The following TNS3 variants were observed in gnomAD, a reference collection of about 807,000 sequenced individuals.
TNS3 encodes tensin 3.
TNS3 carries 45 observed loss-of-function variants against 140.9 expected under a neutral mutation model. The ratio of observed to expected loss-of-function variants is 0.32; its 90% CI spans 0.25 to 0.41. The LOEUF is 0.41. Ranked by LOEUF, TNS3 falls within the 10% of genes least tolerant of loss-of-function variation. The probability of loss-of-function intolerance (pLI) is 1.00; values close to 1 mark genes in which losing one functional copy is unlikely to be tolerated. For missense variants in TNS3, 1,716 were observed against 1,906.7 expected (o/e 0.90, Z 1.86); for synonymous variants, 815 against 788.4 (o/e 1.03, Z -0.56).
At chr7:47,552,349 C>T (rs1800086970) in intron 1 of TNS3, among the ~76,000 whole-genome samples, 1 of 152,176 alleles carries the variant, frequency 6.6e-6, no homozygotes, top group African/African-American at 2.4e-5. Context: ...CAGAAATCAA[C>T]AAGACACACA....
At chr7:47,496,839 C>T (rs1251615951) in intron 3 of TNS3, among the ~76,000 whole-genome samples, 4 of 152,188 alleles carry the variant, frequency 2.6e-5, no homozygotes, top group Non-Finnish European at 2.9e-5. Flanking sequence ...GCCAGGACTA[C>T]GGAAGTCCTC....
intron 3 of TNS3, among the ~76,000 whole-genome samples, chr7:47,492,144 T>C (rs1188526943): frequency 6.6e-6 from 1 of 152,162 alleles, no homozygotes; most frequent in East Asian, 1.9e-4. Flanking sequence ...TGCCAGTGAC[T>C]CCTAATCCCA....
intron 1 of TNS3, among the ~76,000 whole-genome samples, chr7:47,561,224 C>T (rs1800313587): frequency 6.6e-6 from 1 of 152,186 alleles, no homozygotes; most frequent in Non-Finnish European, 1.5e-5. Flanking sequence ...GAGTTGGACA[C>T]ATGGAGCACA....
At chr7:47,353,921 G>A (rs1296204471) in intron 17 of TNS3, among the ~76,000 whole-genome samples, 1 of 151,602 alleles carries the variant, frequency 6.6e-6, no homozygotes, top group Non-Finnish European at 1.5e-5. Flanking sequence ...AGAAAGGGGA[G>A]GTATGGCCTT....
chr7:47,299,667 G>T (rs886568786), intron 23 of TNS3, among the ~76,000 whole-genome samples: 4 of 152,214 alleles, frequency 2.6e-5, no homozygotes, highest in African/African-American at 9.6e-5. Context: ...AGCCCCAGCT[G>T]CCAGGCTGCA....
chr7:47,318,961 A>G (rs534730442), intron 20 of TNS3, among the ~76,000 whole-genome samples: 5 of 152,304 alleles, frequency 3.3e-5, no homozygotes, highest in Non-Finnish European at 5.9e-5. Flanking sequence ...GAATTCCCAG[A>G]GAATCTGGCT....
intron 1 of TNS3, among the ~76,000 whole-genome samples, chr7:47,559,623 A>G (rs896169364): frequency 2.6e-5 from 4 of 152,100 alleles, no homozygotes; most frequent in African/African-American, 9.7e-5. Context: ...ACAGGAGCCA[A>G]TCTTACGAGA....
intron 1 of TNS3, among the ~76,000 whole-genome samples, chr7:47,536,302 G>A (rs548409964): frequency 2.7e-4 from 37 of 136,052 alleles, no homozygotes; most frequent in Middle Eastern, 3.8e-3. Flanking sequence ...GAACCTAGCG[G>A]GGAGCCAACC....
chr7:47,398,369 C>A (rs370723267), intron 15 of TNS3, among the ~76,000 whole-genome samples: 7,496 of 151,050 alleles, frequency 0.05, 232 homozygotes, highest in Non-Finnish European at 0.059. Context: ...AACAAACAAA[C>A]AAAAAAGAAA....
Position 47,396,805 on chromosome 7 carries a change from C to T in TNS3, c.1019G>A (p.Gly340Glu), listed in dbSNP as rs750552009. Residue 340 changes from glycine to glutamate, a missense_variant, in exon 16 of 31, where the codon GGA (glycine) becomes GAA (glutamate). Physicochemically the swap from Gly to Glu is moderately conservative, Grantham distance 98 (BLOSUM62 -2). Coordinates refer to ENST00000311160, the MANE Select transcript of TNS3 (RefSeq NM_022748.12). The stretch of plus-strand genomic sequence containing the variant: ...CACAAGATGAACACACGCACCTTCT[C>T]CATCTGCACTGAGGTTCTCGTACGA... ...WDSYENLSAD[G>E]EVLHTQGPVD... 1 of 1,613,072 alleles carries T rather than the reference C, an allele frequency of 6.2e-7. No homozygotes were observed. Among genetic ancestry groups the T allele is most frequent in the Non-Finnish European group, 8.5e-7 (1 of 1,178,978 alleles).
chr7:47,354,059 G>T (rs989070174), intron 17 of TNS3, among the ~76,000 whole-genome samples: 3 of 150,168 alleles, frequency 2.0e-5, no homozygotes, highest in Admixed American at 2.0e-4. Flanking sequence ...CAAAGAACTG[G>T]CCGTAATGCA....
At chr7:47,384,285 C>T (rs1013537514) in intron 16 of TNS3, among the ~76,000 whole-genome samples, 4 of 152,272 alleles carry the variant, frequency 2.6e-5, no homozygotes, top group South Asian at 2.1e-4. Context: ...GCCTAGAGGC[C>T]GGGAAGGGGC....
At chr7:47,451,504 C>G (rs1169025734) in intron 4 of TNS3, among the ~76,000 whole-genome samples, 1 of 152,150 alleles carries the variant, frequency 6.6e-6, no homozygotes, top group Non-Finnish European at 1.5e-5. Flanking sequence ...TCGCTCAAAC[C>G]CAGGAGGTGG....
intron 4 of TNS3, among the ~76,000 whole-genome samples, chr7:47,454,962 G>GC (rs1796186538): frequency 6.6e-6 from 1 of 152,186 alleles, no homozygotes; most frequent in Non-Finnish European, 1.5e-5. Context: ...ATGCCCTGCA[G>GC]AGCTGCGTTC....
At chr7:47,409,379 C>T (rs1793631057) in intron 13 of TNS3, among the ~76,000 whole-genome samples, 1 of 151,910 alleles carries the variant, frequency 6.6e-6, no homozygotes, top group Non-Finnish European at 1.5e-5. Context: ...CCATAAACAG[C>T]CCAGGGGAGA....
chr7:47,499,588 C>T (rs190705450), intron 3 of TNS3, among the ~76,000 whole-genome samples: 133 of 152,264 alleles, frequency 8.7e-4, no homozygotes, highest in African/African-American at 3.0e-3. Flanking sequence ...AATTTAAATG[C>T]ATATTATCAA....
In TNS3 at chr7:47,275,849, G is replaced by A. The variant is rs187311232; in HGVS notation, c.*2227C>T. The A allele has an allele frequency of 9.5e-4, 434 of 456,042 alleles. No homozygotes were observed. Among genetic ancestry groups the A allele is most frequent in the Non-Finnish European group, 1.8e-3 (397 of 226,808 alleles). The allele number at this position is 456,042 out of a possible 1,614,324, so 28.2% of individuals were successfully genotyped here. On this transcript the variant is annotated 3_prime_UTR_variant, in exon 31 of 31. Transcript: ENST00000311160. Reference sequence around the variant, plus strand: ...GCTTCCTGAATGCCGTCGAGGCATGGCTTCATGAGGGCCATCGCGGGCACC... The same window carrying A: ...GCTTCCTGAATGCCGTCGAGGCATGACTTCATGAGGGCCATCGCGGGCACC...
At position 47,451,070 on chromosome 7, in the gene TNS3, G is replaced by A. The variant is rs559990205; in HGVS notation, c.-75-9015C>T. On this transcript the variant is annotated intron_variant, in intron 4 of 30. Coordinates refer to ENST00000311160, the MANE Select transcript of TNS3 (RefSeq NM_022748.12). ...GATTGTTTGAACCCAGGAGGTGGAG[G>A]TTGCAGTGAGCCAAGATCATGTCAT... Among the ~76,000 whole-genome samples the A allele has an allele frequency of 1.3e-3, 195 of 152,170 alleles. 1 individual carries two copies. The highest frequency in any genetic ancestry group is 9.7e-4 in the Non-Finnish European group (66 of 68,002).
At chr7:47,577,438 C>A (rs1800699905) in intron 1 of TNS3, among the ~76,000 whole-genome samples, 1 of 152,174 alleles carries the variant, frequency 6.6e-6, no homozygotes, top group African/African-American at 2.4e-5. Context: ...GGCTGGCGCA[C>A]TGGCTGAGGT....
Sources: allele counts gnomAD v4.1 joint callset (sites outside exome capture counted in the v4.1 genomes callset), GRCh38; gene constraint gnomAD v4.1.1; transcripts MANE v1.5; gene names NCBI Gene and HGNC (gene_info 2026-07-23, HGNC 2026-07-21).